LITAF: variants seen among roughly 807,000 people sequenced by gnomAD.
The protein encoded by LITAF is lipopolysaccharide-induced tumor necrosis factor-alpha factor.
LITAF carries 9 observed loss-of-function variants against 14.5 expected under a neutral mutation model. That is an observed-to-expected ratio of 0.62 (90% CI 0.37 to 1.08). LITAF has a LOEUF of 1.08. Among genes scored for constraint, LITAF ranks in the 50% least tolerant of loss-of-function variants. The pLI, the probability that LITAF is intolerant of heterozygous loss-of-function variation, is 0.01. For synonymous variants in LITAF, 98 were observed against 88.2 expected, an observed-to-expected ratio of 1.11 and a Z score of -0.62; for missense variants, 206 against 213.4, an observed-to-expected ratio of 0.97 and a Z score of 0.22.
chr16:11,631,488 C>A (rs761247792), intron 3 of LITAF, among the ~76,000 whole-genome samples: 4 of 152,178 alleles, frequency 2.6e-5, no homozygotes, highest in Non-Finnish European at 4.4e-5. Context: ...CACAACCTCC[C>A]GAGCTTAGGT....
At chr16:11,583,093 GTT>G (rs2064763391) in intron 1 of LITAF, among the ~76,000 whole-genome samples, 1 of 152,190 alleles carries the variant, frequency 6.6e-6, no homozygotes, top group Admixed American at 6.5e-5. Context: ...TTGGCCTTTG[GTT>G]ATTTGATCCC....
In LITAF at chr16:11,626,989, C is replaced by T. The variant is rs567113158; in HGVS notation, c.85+6544G>A. Reference sequence around the variant, plus strand: ...TCCCAAGTGGCTGAGACTACAGGCACGCACCACCATGCCTGGCTAAACAAG... The same window carrying T: ...TCCCAAGTGGCTGAGACTACAGGCATGCACCACCATGCCTGGCTAAACAAG... On this transcript the variant is annotated intron_variant, in intron 3 of 3. Coordinates refer to the LITAF transcript ENST00000574848. Among the ~76,000 whole-genome samples the T allele has an allele frequency of 9.1e-4, 138 of 152,144 alleles. 1 individual carries two copies. The highest frequency in any genetic ancestry group is 1.3e-3 in the Non-Finnish European group (89 of 67,982).
At chr16:11,593,130 C>A (rs556903505) in intron 1 of LITAF, among the ~76,000 whole-genome samples, 14 of 152,076 alleles carry the variant, frequency 9.2e-5, no homozygotes, top group African/African-American at 3.4e-4. Flanking sequence ...GAGATTGCGC[C>A]ACTGCACTCC....
chr16:11,585,478 G>A (rs967665039), intron 1 of LITAF, among the ~76,000 whole-genome samples: 1 of 152,104 alleles, frequency 6.6e-6, no homozygotes, highest in Non-Finnish European at 1.5e-5. Context: ...AAAGCCAAGT[G>A]CAATATGGGT....
chr16:11,622,032 A>C (rs2065054050), intron 3 of LITAF, among the ~76,000 whole-genome samples: 2 of 152,210 alleles, frequency 1.3e-5, no homozygotes, highest in Admixed American at 1.3e-4. Context: ...AAAATGAAAC[A>C]AAACACGTCT....
chr16:11,624,662 G>T (rs2065072530), intron 3 of LITAF, among the ~76,000 whole-genome samples: 1 of 152,142 alleles, frequency 6.6e-6, no homozygotes, highest in Admixed American at 6.6e-5. Flanking sequence ...TATGTTTACA[G>T]ATTTATCATG....
rs911236969 is a variant in LITAF, at chr16:11,632,665, C to T, written c.85+868G>A. On this transcript the variant is annotated intron_variant, in intron 3 of 3. Transcript: ENST00000574848. This position sits in a 1 kb window ranked among gnomAD's most constrained non-coding sequence, Gnocchi z 4.8. ...CCAGGGGAAGAACTGATGGCTGGAC[C>T]CCAGGCCCAAGGCAGATGCCACCCA... 6.6e-6 allele frequency among the ~76,000 whole-genome samples: 1 copy of T among 152,188 alleles called. No individual in the cohort carries two copies. Among genetic ancestry groups the T allele is most frequent in the Non-Finnish European group, 1.5e-5 (1 of 68,018 alleles).
chr16:11,608,689 G>T (rs180731260), intron 3 of LITAF, among the ~76,000 whole-genome samples: 8 of 152,182 alleles, frequency 5.3e-5, no homozygotes, highest in African/African-American at 7.2e-5. Context: ...GGGGCCAGGC[G>T]CAGTGGCTCA....
At chr16:11,583,339 G>A (rs1226857016) in intron 1 of LITAF, among the ~76,000 whole-genome samples, 1 of 152,146 alleles carries the variant, frequency 6.6e-6, no homozygotes, top group East Asian at 1.9e-4. Flanking sequence ...GAGTTGGGCT[G>A]CTCCCCCACA....
chr16:11,616,331 G>A (rs1167407088), intron 3 of LITAF, among the ~76,000 whole-genome samples: 1 of 151,846 alleles, frequency 6.6e-6, no homozygotes. Context: ...TATTAAATTA[G>A]CCAGGCATGG....
chr16:11,556,422 C>G lies in LITAF; in HGVS notation c.220+89G>C, dbSNP rs774341329. On this transcript the variant is annotated intron_variant, in intron 2 of 3. Coordinates refer to ENST00000622633, the MANE Select transcript of LITAF (RefSeq NM_001136472.2). ...GGAACGTACTGGCACTTCACTTAGACTCTTTGGCAGAGTCACTTCGGTCAC... is the reference window on the plus strand; with the variant it reads ...GGAACGTACTGGCACTTCACTTAGAGTCTTTGGCAGAGTCACTTCGGTCAC... 3 of 1,174,076 alleles carry G rather than the reference C, an allele frequency of 2.6e-6. No individual in the cohort carries two copies. The Admixed American group carries it at 6.7e-5, about 26-fold the overall frequency. The allele number at this position is 1,174,076 out of a possible 1,614,324, so 72.7% of individuals were successfully genotyped here. A position where few individuals can be genotyped will look rare whatever the true frequency, so the allele number is the denominator to read the frequency against.
At chr16:11,554,760 C>G (rs2064241986) in intron 2 of LITAF, among the ~76,000 whole-genome samples, 1 of 142,636 alleles carries the variant, frequency 7.0e-6, no homozygotes, top group Non-Finnish European at 1.5e-5. Context: ...TGCACTCCAG[C>G]CTGGGCAACA....
intron 3 of LITAF, among the ~76,000 whole-genome samples, chr16:11,612,450 G>T (rs1373482906): frequency 2.0e-5 from 3 of 152,200 alleles, no homozygotes; most frequent in African/African-American, 7.2e-5. Flanking sequence ...GAGGAAGGAA[G>T]GGCCTTATTG....
In LITAF at chr16:11,586,536, CCA is replaced by C. The variant is rs1264171476; in HGVS notation, c.-6+348_-6+349del. Among the ~76,000 whole-genome samples the C allele has an allele frequency of 2.0e-5, 3 of 152,066 alleles. No individual in the cohort carries two copies. The South Asian group carries it at 6.2e-4, about 31-fold the overall frequency. On this transcript the variant is annotated intron_variant, in intron 1 of 3. Coordinates refer to ENST00000622633, the MANE Select transcript of LITAF (RefSeq NM_001136472.2). This position sits in a 1 kb window ranked among gnomAD's most constrained non-coding sequence, Gnocchi z 6.5. ...AGAATCGCGCCTTTTTCTAAAAAGC[CCA>C]GGGGCCGTCCTCTCCGGGGAGGGGG...
chr16:11,633,060 T>C (rs2065125377), intron 3 of LITAF, among the ~76,000 whole-genome samples: 1 of 152,180 alleles, frequency 6.6e-6, no homozygotes, highest in African/African-American at 2.4e-5. Flanking sequence ...GAGGTCTCTC[T>C]AGCCCCGTCA....
intron 1 of LITAF, among the ~76,000 whole-genome samples, chr16:11,566,421 T>C (rs989698357): frequency 6.6e-6 from 1 of 152,066 alleles, no homozygotes; most frequent in African/African-American, 2.4e-5. Flanking sequence ...TAGAAAGCAA[T>C]ACCTAGGTAT....
rs200859827 is a variant in LITAF at position 11,549,767 on chromosome 16, C to G, written c.378-22G>C. 6 of 1,585,208 alleles carry G rather than the reference C, an allele frequency of 3.8e-6. No homozygotes were observed. In the African/African-American group the frequency reaches 8.1e-5, roughly 21 times the overall value. ...GCACCTGGGAGGAGAGAGAGACACA[C>G]GGAGCGCGTTACTGATCACAACAGG... On this transcript the variant is annotated intron_variant, in intron 3 of 3. Coordinates refer to ENST00000622633, the MANE Select transcript of LITAF (RefSeq NM_001136472.2). This position sits in a 1 kb window ranked among gnomAD's most constrained non-coding sequence, Gnocchi z 4.6.
chr16:11,576,351 C>A (rs1237135169), intron 1 of LITAF, among the ~76,000 whole-genome samples: 1 of 151,964 alleles, frequency 6.6e-6, no homozygotes, highest in African/African-American at 2.4e-5. Flanking sequence ...TGCCTGTAGT[C>A]CCAGTTACTC....
In LITAF at chr16:11,553,220, A is replaced by G. The variant is rs910084194; in HGVS notation, c.377+313T>C. Reference sequence around the variant, plus strand: ...GATCACCTGAGGTCAGGAGTTTGAGACCAGCCTGGCCAAGATGGTGAAATG... The same window carrying G: ...GATCACCTGAGGTCAGGAGTTTGAGGCCAGCCTGGCCAAGATGGTGAAATG... On this transcript the variant is annotated intron_variant, in intron 3 of 3. Transcript: ENST00000622633. The surrounding 1 kb of genome is among the most constrained non-coding windows in gnomAD (Gnocchi z 7.7). 2.6e-5 allele frequency among the ~76,000 whole-genome samples: 4 copies of G among 152,086 alleles called. No individual in the cohort carries two copies. Among genetic ancestry groups the G allele is most frequent in the Admixed American group, 1.3e-4 (2 of 15,258 alleles).
Sources: allele counts gnomAD v4.1 joint callset (sites outside exome capture counted in the v4.1 genomes callset), GRCh38; gene constraint gnomAD v4.1.1; non-coding constraint Gnocchi (gnomAD v3.1); transcripts MANE v1.5; gene names NCBI Gene and HGNC (gene_info 2026-07-23, HGNC 2026-07-21).